NEDD4L: variants seen among roughly 807,000 people sequenced by gnomAD.
NEDD4L encodes NEDD4 like E3 ubiquitin protein ligase, also known as E3 ubiquitin-protein ligase NEDD4-like.
A neutral mutation model predicts 148.9 loss-of-function variants in NEDD4L; 54 were observed. The ratio of observed to expected loss-of-function variants is 0.36; its 90% CI spans 0.29 to 0.45. The LOEUF is 0.45. Among genes scored for constraint, NEDD4L ranks in the 20% least tolerant of loss-of-function variants. The pLI is 1.00. For synonymous variants in NEDD4L, 433 were observed against 440.7 expected (o/e 0.98, Z 0.22); for missense variants, 856 against 1,233.8 (o/e 0.69, Z 4.59).
rs2149493068 is a variant in NEDD4L, at chr18:58,323,273, C to T, written c.452C>T (p.Ala151Val). The T allele has an allele frequency of 1.2e-6, 2 of 1,605,094 alleles. No homozygotes were observed. Among genetic ancestry groups the T allele is most frequent in the South Asian group, 1.1e-5 (1 of 88,746 alleles). The stretch of plus-strand genomic sequence containing the variant: ...AAGGGATTTTTGCGATTGAAAATGG[C>T]CTATATGCCAAAAAATGGAGGTCAA... ...RVKGFLRLKMAYMPKNGGQDE... is the reference protein window; with the variant it reads ...RVKGFLRLKMVYMPKNGGQDE... Residue 151 changes from alanine to valine, a missense_variant, in exon 8 of 31, where the codon GCC becomes GTC. Around this residue, in one of 4 missense-constraint regions of NEDD4L, gnomAD observed 193 missense variants for 244.2 expected, o/e 0.79. Coordinates refer to ENST00000400345, the MANE Select transcript of NEDD4L (RefSeq NM_001144967.3).
chr18:58,197,014 C>T (rs897202041), intron 2 of NEDD4L, among the ~76,000 whole-genome samples: 1 of 152,058 alleles, frequency 6.6e-6, no homozygotes, highest in African/African-American at 2.4e-5. Context: ...TCTTCAAAAC[C>T]GTGGCGGTCG....
Position 58,063,359 on chromosome 18 carries a change from G to A in NEDD4L, c.48+18651G>A, listed in dbSNP as rs139563210. The stretch of plus-strand genomic sequence containing the variant: ...GTCATGAGCCACCACACCTGGCCAG[G>A]GTCAGTAAGTTAAAAGATACCTTCT... On this transcript the variant is annotated intron_variant, in intron 1 of 30. Coordinates refer to ENST00000400345, the MANE Select transcript of NEDD4L (RefSeq NM_001144967.3). Among the ~76,000 whole-genome samples, 4 of 151,630 alleles carry A rather than the reference G, an allele frequency of 2.6e-5. No individual in the cohort carries two copies. In the East Asian group the frequency reaches 7.7e-4, roughly 29 times the overall value.
chr18:58,057,955 A>G lies in NEDD4L; in HGVS notation c.48+13247A>G, dbSNP rs555472283. Among the ~76,000 whole-genome samples, 3 of 152,270 alleles carry G rather than the reference A, an allele frequency of 2.0e-5. No homozygotes were observed. In the East Asian group the frequency reaches 5.8e-4, roughly 29 times the overall value. On this transcript the variant is annotated intron_variant, in intron 1 of 30. Transcript: ENST00000400345. ...AACTTCCCCACACTGGGATTGTGGG[A>G]CTCTGAGTACCCACTTCCCTTCACT...
intron 2 of NEDD4L, among the ~76,000 whole-genome samples, chr18:58,209,680 CA>C (rs2042405550): frequency 4.7e-5 from 7 of 149,228 alleles, no homozygotes; most frequent in Middle Eastern, 3.4e-3. Context: ...ATTGAGTCTG[CA>C]TCCTAAGAAA....
chr18:58,130,767 A>G (rs1319761187), intron 1 of NEDD4L, among the ~76,000 whole-genome samples: 2 of 138,868 alleles, frequency 1.4e-5, no homozygotes, highest in Non-Finnish European at 3.0e-5. Context: ...ATCTAGCGGA[A>G]CTGTGGCAGT....
At chr18:58,383,734 A>G (rs1212515435) in intron 25 of NEDD4L, among the ~76,000 whole-genome samples, 1 of 152,212 alleles carries the variant, frequency 6.6e-6, no homozygotes, top group Non-Finnish European at 1.5e-5. Context: ...AAATGTATAG[A>G]AATAGTTAAA....
chr18:58,339,183 G>A (rs1601443236), intron 13 of NEDD4L, among the ~76,000 whole-genome samples: 1 of 152,152 alleles, frequency 6.6e-6, no homozygotes, highest in Non-Finnish European at 1.5e-5. Flanking sequence ...TCACCAGAAC[G>A]GCTGAAGGGG....
intron 13 of NEDD4L, among the ~76,000 whole-genome samples, chr18:58,339,080 A>G (rs2042120571): frequency 6.8e-6 from 1 of 146,430 alleles, no homozygotes; most frequent in Admixed American, 6.8e-5. Context: ...AGGTTTCCAG[A>G]GCTAAGGTTT....
chr18:58,313,313 A>C (rs2057909804), intron 5 of NEDD4L, among the ~76,000 whole-genome samples: 1 of 152,206 alleles, frequency 6.6e-6, no homozygotes, highest in South Asian at 2.1e-4. Flanking sequence ...GTATAAGTGT[A>C]GTTTCCTGGC....
chr18:58,323,923 T>C (rs1034800586), intron 8 of NEDD4L, among the ~76,000 whole-genome samples: 2 of 152,188 alleles, frequency 1.3e-5, no homozygotes, highest in Non-Finnish European at 2.9e-5. Context: ...AGTGCTGTTT[T>C]GTTAGGCAAA....
intron 1 of NEDD4L, among the ~76,000 whole-genome samples, chr18:58,110,518 G>T (rs764614494): frequency 3.9e-5 from 6 of 152,196 alleles, no homozygotes; most frequent in Non-Finnish European, 7.3e-5. Flanking sequence ...TGAAGCCAGG[G>T]TGAGACTCTC....
chr18:58,060,469 G>A (rs1391278469), intron 1 of NEDD4L, among the ~76,000 whole-genome samples: 1 of 152,096 alleles, frequency 6.6e-6, no homozygotes, highest in African/African-American at 2.4e-5. Context: ...ATTTGAGTTG[G>A]ACAACCCTAG....
intron 24 of NEDD4L, among the ~76,000 whole-genome samples, chr18:58,376,452 C>CA (rs1323873289): frequency 1.1e-4 from 16 of 152,152 alleles, no homozygotes; most frequent in Admixed American, 7.9e-4. Context: ...ACAGGGAACT[C>CA]ACGTATTTAT....
chr18:58,143,638 G>C (rs1335795702), intron 1 of NEDD4L, among the ~76,000 whole-genome samples: 1 of 152,182 alleles, frequency 6.6e-6, no homozygotes, highest in Non-Finnish European at 1.5e-5. Flanking sequence ...CACATGACCT[G>C]TGCCCGTCCC....
chr18:58,044,443 G>C lies in NEDD4L; in HGVS notation c.-218G>C. On this transcript the variant is annotated 5_prime_UTR_variant, in exon 1 of 31. Coordinates refer to ENST00000400345, the MANE Select transcript of NEDD4L (RefSeq NM_001144967.3). Reference sequence around the variant, plus strand: ...GCGCGCTCTCGGGAGCCGCCCGCCCGCTGGTCCCGCAGCCTTCCGGGAGGA... The same window carrying C: ...GCGCGCTCTCGGGAGCCGCCCGCCCCCTGGTCCCGCAGCCTTCCGGGAGGA... 1 of 445,280 alleles carries C rather than the reference G, an allele frequency of 2.2e-6. No homozygotes were observed. The highest frequency in any genetic ancestry group is 3.5e-6 in the Non-Finnish European group (1 of 288,988). The allele number at this position is 445,280 out of a possible 1,614,324, so 27.6% of individuals were successfully genotyped here.
At chr18:58,044,835 G>A in intron 1 of NEDD4L, 127 bp downstream of exon 1, 1 of 1,154,004 alleles carries the variant, frequency 8.7e-7, no homozygotes, top group South Asian at 1.9e-5. Flanking sequence ...CCCAAAGCGG[G>A]AGCGCCCCGG....
chr18:58,205,702 C>A (rs2041914778), intron 2 of NEDD4L, among the ~76,000 whole-genome samples: 1 of 151,860 alleles, frequency 6.6e-6, no homozygotes. Context: ...ATGGTAGAAA[C>A]CACCAGTAAT....
intron 5 of NEDD4L, among the ~76,000 whole-genome samples, chr18:58,309,755 C>T (rs1364597231): frequency 6.6e-6 from 1 of 151,788 alleles, no homozygotes; most frequent in African/African-American, 2.4e-5. Flanking sequence ...CTGGGATATG[C>T]TTATATTTGG....
At chr18:58,127,338 G>T (rs1054700529) in intron 1 of NEDD4L, among the ~76,000 whole-genome samples, 3 of 152,226 alleles carry the variant, frequency 2.0e-5, no homozygotes, top group African/African-American at 4.8e-5. Context: ...TGTGGGCAGC[G>T]CTGTATTTGT....
Sources: gnomAD v4.1 joint callset for allele counts (sites outside exome capture counted in the v4.1 genomes callset) on GRCh38, gnomAD v4.1.1 for gene constraint, gnomAD v4.1.1 regional missense constraint, MANE v1.5 for transcripts, NCBI Gene and HGNC (gene_info 2026-07-23, HGNC 2026-07-21) for gene names.